The following NR3C2 variants were observed in gnomAD, a reference collection of about 807,000 sequenced individuals.
The protein encoded by NR3C2 is mineralocorticoid receptor.
Under a neutral mutation model 86.4 loss-of-function variants are expected in NR3C2, and 15 were observed. The ratio of observed to expected loss-of-function variants is 0.17; its 90% CI spans 0.12 to 0.27. The LOEUF (loss-of-function observed/expected upper bound fraction) is 0.27, where lower values mean the gene tolerates loss of function less well. Ranked by LOEUF, NR3C2 falls within the 10% of genes least tolerant of loss-of-function variation. The probability of loss-of-function intolerance (pLI) is 1.00; values close to 1 mark genes in which losing one functional copy is unlikely to be tolerated. For missense variants in NR3C2, 960 were observed against 1,195.6 expected, an observed-to-expected ratio of 0.80 and a Z score of 2.91; for synonymous variants, 458 against 450.5, an observed-to-expected ratio of 1.02 and a Z score of -0.21.
At chr4:148,181,372 A>C (rs974295567) in intron 4 of NR3C2, among the ~76,000 whole-genome samples, 1 of 152,216 alleles carries the variant, frequency 6.6e-6, no homozygotes, top group Admixed American at 6.5e-5. Context: ...TAATGATACT[A>C]TCTTGGACTC....
intron 2 of NR3C2, among the ~76,000 whole-genome samples, chr4:148,350,959 A>G (rs1469210310): frequency 3.9e-5 from 6 of 152,182 alleles, no homozygotes; most frequent in Admixed American, 1.3e-4. Context: ...AATAAAATAT[A>G]ATGTTGTTCA....
At chr4:148,260,227 G>C in intron 2 of NR3C2, 110 bp from the exon 3 acceptor site, 1 of 1,343,886 alleles carries the variant, frequency 7.4e-7, no homozygotes, top group Non-Finnish European at 1.0e-6. Context: ...CAAGAATTCA[G>C]TGTGTAATGA....
chr4:148,276,938 C>T (rs974142773), intron 2 of NR3C2, among the ~76,000 whole-genome samples: 7 of 152,108 alleles, frequency 4.6e-5, no homozygotes, highest in African/African-American at 7.2e-5. Context: ...AGTTAAAATG[C>T]CTGATTACAT....
intron 3 of NR3C2, among the ~76,000 whole-genome samples, chr4:148,214,554 C>T (rs903706650): frequency 6.6e-6 from 1 of 152,130 alleles, no homozygotes; most frequent in Non-Finnish European, 1.5e-5. Flanking sequence ...TTACCTATAA[C>T]TAAGAAAACA....
At chr4:148,383,407 T>G (rs1467467841) in intron 2 of NR3C2, among the ~76,000 whole-genome samples, 1 of 152,192 alleles carries the variant, frequency 6.6e-6, no homozygotes, top group African/African-American at 2.4e-5. Context: ...TTTGCTTTTG[T>G]TAGAGTGATT....
At chr4:148,266,075 CTT>C (rs71594256) in intron 2 of NR3C2, among the ~76,000 whole-genome samples, 21 of 134,818 alleles carry the variant, frequency 1.6e-4, no homozygotes, top group Non-Finnish European at 1.4e-4. Context: ...CAGAAGGCCG[CTT>C]TTTTTTTTTT....
intron 2 of NR3C2, among the ~76,000 whole-genome samples, chr4:148,371,246 C>T (rs72729972): frequency 0.25 from 37,847 of 151,878 alleles, 4,921 homozygotes; most frequent in African/African-American, 0.32. Context: ...ACTATAGTCA[C>T]CCCATTGTGC....
chr4:148,086,908 A>G (rs545497807), intron 8 of NR3C2, among the ~76,000 whole-genome samples: 1 of 152,338 alleles, frequency 6.6e-6, no homozygotes, highest in South Asian at 2.1e-4. Flanking sequence ...TCAACATAGT[A>G]TTAGAACTTC....
chr4:148,154,502 A>G (rs1478532303), intron 5 of NR3C2, 49 bp downstream of exon 5: 1 of 1,569,048 alleles, frequency 6.4e-7, no homozygotes. Context: ...TCAGTTGCCC[A>G]GACTTGTTAA....
intron 6 of NR3C2, among the ~76,000 whole-genome samples, chr4:148,141,553 A>T (rs1733612848): frequency 6.6e-6 from 1 of 152,204 alleles, no homozygotes; most frequent in African/African-American, 2.4e-5. Flanking sequence ...TAAAAAACAT[A>T]TATAGACACA....
intron 4 of NR3C2, among the ~76,000 whole-genome samples, chr4:148,161,887 T>C (rs1315097317): frequency 6.6e-6 from 1 of 152,198 alleles, no homozygotes; most frequent in Non-Finnish European, 1.5e-5. Flanking sequence ...TTTGGGTCAC[T>C]GGCATTTACA....
At position 148,300,062 on chromosome 4, in the gene NR3C2, G is replaced by A. The variant is rs574109948; in HGVS notation, c.1758-39945C>T. Among the ~76,000 whole-genome samples the A allele has an allele frequency of 2.6e-5, 4 of 152,286 alleles. No individual in the cohort carries two copies. In the East Asian group the frequency reaches 5.8e-4, roughly 22 times the overall value. The stretch of plus-strand genomic sequence containing the variant: ...AGAGGGGTAATTTAGGATGGGATGC[G>A]GGCCCAGGACTCTACAGGCCCACTG... On this transcript the variant is annotated intron_variant, in intron 2 of 8. Transcript: ENST00000358102.
intron 2 of NR3C2, among the ~76,000 whole-genome samples, chr4:148,398,207 T>C (rs1747958753): frequency 6.6e-6 from 1 of 152,188 alleles, no homozygotes; most frequent in African/African-American, 2.4e-5. Context: ...CCAAATAAGG[T>C]CACATTCACA....
chr4:148,423,072 G>A (rs1749357992), intron 2 of NR3C2, among the ~76,000 whole-genome samples: 1 of 151,920 alleles, frequency 6.6e-6, no homozygotes, highest in Admixed American at 6.6e-5. Context: ...ATTGTCTCTA[G>A]TATTTACCTC....
intron 8 of NR3C2, among the ~76,000 whole-genome samples, chr4:148,091,085 A>T (rs953725681): frequency 6.6e-6 from 1 of 152,276 alleles, no homozygotes; most frequent in Non-Finnish European, 1.5e-5. Flanking sequence ...AGAAGGCCTC[A>T]GCAGCTACCG....
At chr4:148,341,689 A>C (rs1744755777) in intron 2 of NR3C2, among the ~76,000 whole-genome samples, 1 of 152,156 alleles carries the variant, frequency 6.6e-6, no homozygotes, top group African/African-American at 2.4e-5. Context: ...CATTGTATGC[A>C]TATATCAAAA....
At chr4:148,241,174 C>T (rs138825936) in intron 3 of NR3C2, among the ~76,000 whole-genome samples, 2,176 of 151,416 alleles carry the variant, frequency 0.014, 62 homozygotes, top group African/African-American at 0.049. Flanking sequence ...GGCATGGTGG[C>T]GCACACCTGT....
chr4:148,081,588 G>T, intron 8 of NR3C2, 89 bp from the exon 9 acceptor site: 1 of 1,579,570 alleles, frequency 6.3e-7, no homozygotes, highest in South Asian at 1.1e-5. Flanking sequence ...GAACTCAAAT[G>T]ACAACATTTA....
intron 2 of NR3C2, among the ~76,000 whole-genome samples, chr4:148,365,509 T>A (rs1436060946): frequency 6.6e-6 from 1 of 152,168 alleles, no homozygotes; most frequent in Non-Finnish European, 1.5e-5. Context: ...GTAACCCTTA[T>A]CAAATTATGT....
Sources: allele counts gnomAD v4.1 joint callset (sites outside exome capture counted in the v4.1 genomes callset), GRCh38; gene constraint gnomAD v4.1.1; transcripts MANE v1.5; gene names NCBI Gene and HGNC (gene_info 2026-07-23, HGNC 2026-07-21).